Variants in C12orf42 observed in about 807,000 individuals in gnomAD.
C12orf42 encodes chromosome 12 open reading frame 42.
A neutral mutation model predicts 21.6 loss-of-function variants in C12orf42; 25 were observed. The ratio of observed to expected loss-of-function variants is 1.16; its 90% CI spans 0.84 to 1.62. C12orf42 has a LOEUF of 1.62. Among genes scored for constraint, C12orf42 ranks in the 40% most tolerant of loss-of-function variants. The pLI, the probability that C12orf42 is intolerant of heterozygous loss-of-function variation, is 0.00. For missense variants in C12orf42, 483 were observed against 459.3 expected, an observed-to-expected ratio of 1.05 and a Z score of -0.47; for synonymous variants, 174 against 175.0, an observed-to-expected ratio of 0.99 and a Z score of 0.05.
At chr12:103,370,802 G>A (rs1367518816) in intron 3 of C12orf42, among the ~76,000 whole-genome samples, 1 of 151,982 alleles carries the variant, frequency 6.6e-6, no homozygotes, top group Non-Finnish European at 1.5e-5. Context: ...ACCTGGTGAG[G>A]AAGTTGTCTG....
chr12:103,429,475 C>A (rs1476361262), intron 2 of C12orf42, among the ~76,000 whole-genome samples: 2 of 152,110 alleles, frequency 1.3e-5, no homozygotes, highest in African/African-American at 4.8e-5. Context: ...AGAGAAGACA[C>A]AAACAAATGG....
chr12:103,398,262 G>A (rs1209900414), intron 3 of C12orf42, among the ~76,000 whole-genome samples: 3 of 151,992 alleles, frequency 2.0e-5, no homozygotes, highest in African/African-American at 7.2e-5. Context: ...CATTTCCCTT[G>A]ACACTAGTAA....
chr12:103,229,840 T>C, the C12orf42 span, among the ~76,000 whole-genome samples: 1 of 152,364 alleles, frequency 6.6e-6, no homozygotes, highest in East Asian at 1.9e-4. Context: ...TTCATTTGTT[T>C]TCAGCAATAA....
chr12:103,515,886 C>G, the C12orf42 span, among the ~76,000 whole-genome samples: 1 of 152,158 alleles, frequency 6.6e-6, no homozygotes, highest in Admixed American at 6.5e-5. Flanking sequence ...TTCTTAATCA[C>G]TGGTGATTTC....
downstream of C12orf42, among the ~76,000 whole-genome samples, chr12:103,298,358 G>A (rs2037438307): frequency 6.6e-6 from 1 of 152,148 alleles, no homozygotes; most frequent in African/African-American, 2.4e-5. Flanking sequence ...ATTCGCAATT[G>A]CTTCAAAGAG....
At chr12:103,265,767 A>G (rs1313576490), downstream of C12orf42, among the ~76,000 whole-genome samples, 1 of 151,818 alleles carries the variant, frequency 6.6e-6, no homozygotes, top group Non-Finnish European at 1.5e-5. Flanking sequence ...GTTCAGACAC[A>G]CTGCTCATGA....
Position 103,302,446 on chromosome 12 carries a change from C to T in C12orf42, c.745G>A (p.Ala249Thr), listed in dbSNP as rs760840304. The T allele has an allele frequency of 1.2e-6, 2 of 1,613,762 alleles. No homozygotes were observed. The highest frequency in any genetic ancestry group is 4.5e-5 in the East Asian group (2 of 44,866). ...NTELEPEERMAVPAGAQAHPD... is the reference protein window; with the variant it reads ...NTELEPEERMTVPAGAQAHPD... ...TGTGCCTGAGCGCCTGCTGGGACTG[C>T]CATCCTCTCCTCCGGCTCGAGCTCT... Residue 249 changes from alanine to threonine, a missense_variant, in exon 6 of 6, where the codon GCA becomes ACA. Ala to Thr is a moderately conservative substitution (Grantham distance 58). Transcript: ENST00000548883.
chr12:103,054,788 G>A, the C12orf42 span, among the ~76,000 whole-genome samples: 13 of 151,820 alleles, frequency 8.6e-5, no homozygotes, highest in Non-Finnish European at 1.6e-4. Flanking sequence ...ATTATAAATA[G>A]CATCGGATTT....
chr12:103,402,185 A>G (rs17033847), intron 2 of C12orf42, among the ~76,000 whole-genome samples: 7,941 of 152,270 alleles, frequency 0.052, 278 homozygotes, highest in South Asian at 0.16. Context: ...GGCACGTAGA[A>G]TTATCATTGT....
At chr12:103,480,936 A>AT (rs1268629191) in intron 1 of C12orf42, among the ~76,000 whole-genome samples, 1 of 151,600 alleles carries the variant, frequency 6.6e-6, no homozygotes, top group African/African-American at 2.4e-5. Context: ...ATATCCCTTG[A>AT]TTTTTTATCT....
At chr12:103,210,190 T>C in the C12orf42 span, among the ~76,000 whole-genome samples, 487 of 152,360 alleles carry the variant, frequency 3.2e-3, 1 homozygote, top group Non-Finnish European at 5.5e-3. Flanking sequence ...ATTATAATTC[T>C]ATCACAATTT....
At chr12:103,368,397 C>A (rs2044834358) in intron 4 of C12orf42, among the ~76,000 whole-genome samples, 1 of 151,694 alleles carries the variant, frequency 6.6e-6, no homozygotes, top group Admixed American at 6.6e-5. Flanking sequence ...ACCTCCCCTG[C>A]CACACAAGTA....
At chr12:103,205,730 C>G in the C12orf42 span, among the ~76,000 whole-genome samples, 1 of 151,924 alleles carries the variant, frequency 6.6e-6, no homozygotes. Flanking sequence ...TCCAATGTCT[C>G]TATAGTACAA....
chr12:103,070,868 G>T, the C12orf42 span, among the ~76,000 whole-genome samples: 5 of 152,266 alleles, frequency 3.3e-5, no homozygotes, highest in African/African-American at 9.6e-5. Flanking sequence ...TCACGACACT[G>T]AAAATATATC....
chr12:103,123,049 A>G, the C12orf42 span, among the ~76,000 whole-genome samples: 1 of 152,196 alleles, frequency 6.6e-6, no homozygotes, highest in Non-Finnish European at 1.5e-5. Flanking sequence ...GAAGTGGCTA[A>G]ATTCTGGATA....
chr12:103,205,132 A>G, the C12orf42 span, among the ~76,000 whole-genome samples: 1 of 152,228 alleles, frequency 6.6e-6, no homozygotes, highest in African/African-American at 2.4e-5. Flanking sequence ...AAAAATAGTA[A>G]GTGTTGATGA....
intron 2 of C12orf42, among the ~76,000 whole-genome samples, chr12:103,409,751 G>A (rs2048694355): frequency 6.6e-6 from 1 of 152,022 alleles, no homozygotes; most frequent in Non-Finnish European, 1.5e-5. Flanking sequence ...ATGATATCAT[G>A]TCATGCACCT....
At chr12:103,352,598 C>T (rs2043189369) in intron 4 of C12orf42, among the ~76,000 whole-genome samples, 1 of 152,026 alleles carries the variant, frequency 6.6e-6, no homozygotes, top group South Asian at 2.1e-4. Flanking sequence ...TTTAAAGTCC[C>T]CGTGCACTAA....
chr12:103,392,818 A>T (rs1010307875), intron 3 of C12orf42, among the ~76,000 whole-genome samples: 1 of 152,168 alleles, frequency 6.6e-6, no homozygotes, highest in Non-Finnish European at 1.5e-5. Context: ...AAGGACGGGA[A>T]ATTCTCTTTC....
Sources: gnomAD v4.1 joint callset for allele counts (sites outside exome capture counted in the v4.1 genomes callset) on GRCh38, gnomAD v4.1.1 for gene constraint, MANE v1.5 for transcripts, NCBI Gene and HGNC (gene_info 2026-07-23, HGNC 2026-07-21) for gene names.